The following SGCZ variants were observed in gnomAD, a reference collection of about 807,000 sequenced individuals.
SGCZ encodes sarcoglycan zeta, also known as zeta-sarcoglycan.
SGCZ carries 40 observed loss-of-function variants against 41.3 expected under a neutral mutation model. The observed-to-expected ratio is 0.97, with a 90% confidence interval of 0.75 to 1.26. SGCZ has a LOEUF of 1.26. SGCZ is among the 50% of genes most tolerant of loss of function. The pLI is 0.00. For synonymous variants in SGCZ, 206 were observed against 137.5 expected (o/e 1.50, Z -3.49); for missense variants, 552 against 369.8 (o/e 1.49, Z -4.04).
chr8:14,616,055 G>A (rs1282457007), intron 1 of SGCZ, among the ~76,000 whole-genome samples: 4 of 151,936 alleles, frequency 2.6e-5, no homozygotes, highest in Admixed American at 6.6e-5. Context: ...AGGCTGAGGC[G>A]GGCAGATCAC....
chr8:14,688,018 C>T (rs1294222156), intron 1 of SGCZ, among the ~76,000 whole-genome samples: 4 of 152,122 alleles, frequency 2.6e-5, no homozygotes. Flanking sequence ...TGTTCATGTC[C>T]TTCGCCCACT....
At chr8:14,684,690 TCC>T (rs747556948) in intron 1 of SGCZ, among the ~76,000 whole-genome samples, 97,140 of 151,462 alleles carry the variant, frequency 0.64, 33,780 homozygotes, top group Non-Finnish European at 0.77. Flanking sequence ...CCTTTGTTTT[TCC>T]TTTTTTTGTT....
At chr8:15,159,740 A>ACCC (rs1563157557) in intron 1 of SGCZ, among the ~76,000 whole-genome samples, 1 of 5,872 alleles carries the variant, frequency 1.7e-4, no homozygotes, top group Middle Eastern at 0.083. Context: ...CGCCCCCCCC[A>ACCC]CCCTCCCCCC....
intron 1 of SGCZ, among the ~76,000 whole-genome samples, chr8:14,587,972 C>T (rs1287118767): frequency 6.6e-6 from 1 of 152,044 alleles, no homozygotes; most frequent in Non-Finnish European, 1.5e-5. Context: ...ACATCTTTCT[C>T]AATGGCTTTC....
chr8:14,896,405 T>A (rs1805199767), intron 1 of SGCZ, among the ~76,000 whole-genome samples: 1 of 152,134 alleles, frequency 6.6e-6, no homozygotes, highest in East Asian at 1.9e-4. Context: ...AAATAATGAT[T>A]CTACATTTCA....
chr8:14,293,359 G>C (rs1800904739), intron 3 of SGCZ, among the ~76,000 whole-genome samples: 1 of 151,944 alleles, frequency 6.6e-6, no homozygotes, highest in Admixed American at 6.6e-5. Flanking sequence ...TAGAATTCCA[G>C]AGAAGAGATA....
In SGCZ at chr8:14,694,252, A is replaced by C. The variant is rs1456662684; in HGVS notation, c.40-139326T>G. Among the ~76,000 whole-genome samples the C allele has an allele frequency of 2.6e-5, 4 of 152,214 alleles. No individual in the cohort carries two copies. The East Asian group carries it at 7.7e-4, about 29-fold the overall frequency. ...CTATCTCAACAGATCTATTTACCTG[A>C]ACCTTATTATAAAACAGTATAATTT... On this transcript the variant is annotated intron_variant, in intron 1 of 7. Transcript: ENST00000382080.
intron 2 of SGCZ, among the ~76,000 whole-genome samples, chr8:14,437,658 A>G (rs915740303): frequency 3.9e-5 from 6 of 151,940 alleles, no homozygotes; most frequent in Admixed American, 3.9e-4. Flanking sequence ...CCTCAATAAC[A>G]TTAAAGACTT....
At chr8:14,439,018 G>C (rs1164958091) in intron 2 of SGCZ, among the ~76,000 whole-genome samples, 4 of 151,912 alleles carry the variant, frequency 2.6e-5, no homozygotes, top group Admixed American at 2.0e-4. Context: ...CTTTCACGAA[G>C]CTTCCTCTGC....
intron 3 of SGCZ, among the ~76,000 whole-genome samples, chr8:14,241,842 A>T (rs1316052928): frequency 6.6e-6 from 1 of 152,224 alleles, no homozygotes; most frequent in Non-Finnish European, 1.5e-5. Context: ...CTGTTAGATA[A>T]AAATAATGAA....
chr8:14,980,418 G>C (rs1801622714), intron 1 of SGCZ, among the ~76,000 whole-genome samples: 1 of 152,154 alleles, frequency 6.6e-6, no homozygotes, highest in African/African-American at 2.4e-5. Context: ...ACATTTTTAT[G>C]TTTGTCTTCA....
chr8:14,922,954 G>C (rs1419562770), intron 1 of SGCZ, among the ~76,000 whole-genome samples: 1 of 152,212 alleles, frequency 6.6e-6, no homozygotes. Context: ...TTTCTCATCA[G>C]TTCTTAGCAT....
intron 5 of SGCZ, among the ~76,000 whole-genome samples, chr8:14,111,007 T>A (rs1035197491): frequency 6.6e-6 from 1 of 151,974 alleles, no homozygotes; most frequent in African/African-American, 2.4e-5. Flanking sequence ...TGAGCTGAGA[T>A]TGCACCACTG....
chr8:14,144,671 A>G (rs928076867), intron 5 of SGCZ, among the ~76,000 whole-genome samples: 6 of 151,906 alleles, frequency 3.9e-5, no homozygotes, highest in Non-Finnish European at 8.8e-5. Context: ...AGCACCAAGC[A>G]GGCTCCTGGA....
At chr8:14,835,124 A>G (rs940257967) in intron 1 of SGCZ, among the ~76,000 whole-genome samples, 1 of 152,166 alleles carries the variant, frequency 6.6e-6, no homozygotes, top group Non-Finnish European at 1.5e-5. Context: ...TTTACTCAAG[A>G]CATCTGTCCA....
intron 3 of SGCZ, among the ~76,000 whole-genome samples, chr8:14,239,316 T>C (rs1449119696): frequency 6.6e-6 from 1 of 151,954 alleles, no homozygotes; most frequent in Non-Finnish European, 1.5e-5. Context: ...AAATTCAATG[T>C]AAGTATGTTA....
At chr8:14,481,752 T>C (rs2117006255) in intron 2 of SGCZ, among the ~76,000 whole-genome samples, 1 of 152,278 alleles carries the variant, frequency 6.6e-6, no homozygotes, top group East Asian at 1.9e-4. Context: ...ATTAAAAACT[T>C]TTAAATTGAA....
chr8:14,493,306 G>GTCT (rs2117034194), intron 2 of SGCZ, among the ~76,000 whole-genome samples: 1 of 132,246 alleles, frequency 7.6e-6, no homozygotes, highest in Admixed American at 7.8e-5. Flanking sequence ...AATACTTCTT[G>GTCT]TCTTCTGGAC....
intron 1 of SGCZ, among the ~76,000 whole-genome samples, chr8:14,783,176 G>C (rs1481094747): frequency 1.3e-5 from 2 of 152,186 alleles, no homozygotes; most frequent in Non-Finnish European, 2.9e-5. Context: ...GCTCACGCAT[G>C]TAATACCAAC....
Sources: allele counts gnomAD v4.1 joint callset (sites outside exome capture counted in the v4.1 genomes callset), GRCh38; gene constraint gnomAD v4.1.1; transcripts MANE v1.5; gene names NCBI Gene and HGNC (gene_info 2026-07-23, HGNC 2026-07-21).